EPB41L4B: variants seen among roughly 807,000 people sequenced by gnomAD.
The protein encoded by EPB41L4B is erythrocyte membrane protein band 4.1 like 4B.
In EPB41L4B, 30 loss-of-function variants were observed where a neutral mutation model predicts 112.5. That is an observed-to-expected ratio of 0.27 (90% CI 0.20 to 0.36). The LOEUF (loss-of-function observed/expected upper bound fraction) is 0.36. EPB41L4B is among the 10% of genes least tolerant of loss of function. The probability of loss-of-function intolerance (pLI) is 1.00; values close to 1 mark genes in which losing one functional copy is unlikely to be tolerated. For missense variants in EPB41L4B, 1,024 were observed against 1,133.3 expected (o/e 0.90, Z 1.38); for synonymous variants, 408 against 439.7 (o/e 0.93, Z 0.90).
intron 4 of EPB41L4B, among the ~76,000 whole-genome samples, chr9:109,266,989 AAAAAG>A (rs1835429839): frequency 6.7e-6 from 1 of 149,814 alleles, no homozygotes. Flanking sequence ...AAAAAAAAAA[AAAAAG>A]AAATTCAGGG....
intron 15 of EPB41L4B, among the ~76,000 whole-genome samples, chr9:109,231,924 G>GAA (rs78131476): frequency 2.7e-4 from 40 of 149,270 alleles, no homozygotes; most frequent in African/African-American, 5.9e-4. Flanking sequence ...CTTGCCTAAA[G>GAA]AAAAAAAAAT....
intron 25 of EPB41L4B, among the ~76,000 whole-genome samples, chr9:109,175,946 T>C (rs554387359): frequency 6.6e-6 from 1 of 152,204 alleles, no homozygotes; most frequent in South Asian, 2.1e-4. Flanking sequence ...ATAGCCCTTT[T>C]CAGGGCTCTG....
At chr9:109,260,805 G>T (rs1835173728) in intron 6 of EPB41L4B, among the ~76,000 whole-genome samples, 2 of 152,210 alleles carry the variant, frequency 1.3e-5, no homozygotes, top group Non-Finnish European at 2.9e-5. Context: ...GACCTTATTT[G>T]TGTCTGTCTC....
chr9:109,227,069 T>A (rs1833809013), intron 15 of EPB41L4B, among the ~76,000 whole-genome samples: 1 of 151,892 alleles, frequency 6.6e-6, no homozygotes, highest in South Asian at 2.1e-4. Flanking sequence ...CAGATCCTGG[T>A]CTTAAGCGGT....
intron 14 of EPB41L4B, among the ~76,000 whole-genome samples, chr9:109,244,597 C>CCCCGCTAA: frequency 6.6e-6 from 1 of 151,824 alleles, no homozygotes; most frequent in Non-Finnish European, 1.5e-5. Flanking sequence ...TGCCACCACA[C>CCCCGCTAA]CCCGCTAATT....
chr9:109,250,634 C>T (rs1009084548), intron 13 of EPB41L4B, among the ~76,000 whole-genome samples: 3 of 152,184 alleles, frequency 2.0e-5, no homozygotes, highest in Non-Finnish European at 4.4e-5. Flanking sequence ...GCAGACTCAC[C>T]TGGGCAGCTT....
In EPB41L4B at chr9:109,197,135, G is replaced by A. The variant is rs73519218; in HGVS notation, c.2046-2738C>T. On this transcript the variant is annotated intron_variant, in intron 20 of 25. Coordinates refer to ENST00000374566, the MANE Select transcript of EPB41L4B (RefSeq NM_019114.5). ...TCAATATCAAAGAGTTAAAGAGATG[G>A]GCAAAGGCCAGGTGTGGTGGCTCAT... 2.2e-3 allele frequency among the ~76,000 whole-genome samples: 338 copies of A among 152,242 alleles called. 2 individuals are homozygous for A. The highest frequency in any genetic ancestry group is 7.8e-3 in the African/African-American group (323 of 41,564).
In EPB41L4B at chr9:109,320,449, T is replaced by C. The variant is rs1837829480; in HGVS notation, c.-3A>G. Reference sequence around the variant, plus strand: ...GTCCGGCGCAGGAACCGCAGCATCCTGGCTGGGGGCGCCCCCTGCCTCCGC... The same window carrying C: ...GTCCGGCGCAGGAACCGCAGCATCCCGGCTGGGGGCGCCCCCTGCCTCCGC... On this transcript the variant is annotated 5_prime_UTR_variant, in exon 1 of 26. Transcript: ENST00000374566. 3 of 987,256 alleles carry C rather than the reference T, an allele frequency of 3.0e-6. No homozygotes were observed. The highest frequency in any genetic ancestry group is 1.1e-4 in the East Asian group (1 of 8,850). The allele number at this position is 987,256 out of a possible 1,614,324, so 61.2% of individuals were successfully genotyped here. A position where few individuals can be genotyped will look rare whatever the true frequency, so the allele number is the denominator to read the frequency against.
At position 109,215,802 on chromosome 9, in the gene EPB41L4B, A is replaced by G. The variant is rs139766964; in HGVS notation, c.1633+1120T>C. On this transcript the variant is annotated intron_variant, in intron 16 of 25. Coordinates refer to ENST00000374566, the MANE Select transcript of EPB41L4B (RefSeq NM_019114.5). ...AGCCCATATTTTTATTAGATTTAAAAGATATAAACTCATTCTATCATATTG... is the reference window on the plus strand; with the variant it reads ...AGCCCATATTTTTATTAGATTTAAAGGATATAAACTCATTCTATCATATTG... Among the ~76,000 whole-genome samples the G allele has an allele frequency of 8.5e-4, 130 of 152,336 alleles. 1 individual carries two copies. In the East Asian group the frequency reaches 0.015, roughly 18 times the overall value.
intron 2 of EPB41L4B, among the ~76,000 whole-genome samples, chr9:109,278,467 TA>T (rs1835917466): frequency 6.6e-6 from 1 of 152,190 alleles, no homozygotes; most frequent in African/African-American, 2.4e-5. Context: ...CCAGCAGACC[TA>T]ATTCCCAGGT....
At chr9:109,177,357 C>G (rs924502500) in intron 24 of EPB41L4B, among the ~76,000 whole-genome samples, 1 of 152,134 alleles carries the variant, frequency 6.6e-6, no homozygotes, top group African/African-American at 2.4e-5. Flanking sequence ...TCCAACAATA[C>G]GTGTTTCAAC....
intron 1 of EPB41L4B, among the ~76,000 whole-genome samples, chr9:109,307,535 C>T (rs1837258232): frequency 6.6e-6 from 1 of 152,148 alleles, no homozygotes; most frequent in Non-Finnish European, 1.5e-5. Flanking sequence ...ATTCTTGCTA[C>T]CATCAAAGCA....
chr9:109,259,963 G>A (rs570651352), intron 6 of EPB41L4B, among the ~76,000 whole-genome samples: 2 of 152,290 alleles, frequency 1.3e-5, no homozygotes, highest in Admixed American at 6.5e-5. Context: ...AGCTGTGGGT[G>A]AGGTGGAAAG....
intron 2 of EPB41L4B, among the ~76,000 whole-genome samples, chr9:109,274,692 CG>C (rs1333530003): frequency 6.6e-6 from 1 of 152,170 alleles, no homozygotes; most frequent in Non-Finnish European, 1.5e-5. Flanking sequence ...ATATTCAAGC[CG>C]TATAGCCAAG....
chr9:109,203,960 G>A lies in EPB41L4B; in HGVS notation c.1879-230C>T, dbSNP rs117595112. Among the ~76,000 whole-genome samples, 208 of 152,254 alleles carry A rather than the reference G, an allele frequency of 1.4e-3. 3 individuals carry two copies. The East Asian group carries it at 0.035, about 25-fold the overall frequency. ...AATCATTCAGATGCAATCAATTCTT[G>A]CATTCATGCTTTTATTGAACACCTG... is the stretch of plus-strand genomic sequence containing the variant. On this transcript the variant is annotated intron_variant, in intron 18 of 25. Coordinates refer to ENST00000374566, the MANE Select transcript of EPB41L4B (RefSeq NM_019114.5).
At chr9:109,268,854 G>A (rs1835504796) in intron 2 of EPB41L4B, among the ~76,000 whole-genome samples, 1 of 134,692 alleles carries the variant, frequency 7.4e-6, no homozygotes, top group Admixed American at 8.8e-5. Flanking sequence ...TCGAGATCGC[G>A]CCACTGCACT....
chr9:109,308,439 C>T (rs1837298970), intron 1 of EPB41L4B, among the ~76,000 whole-genome samples: 1 of 152,116 alleles, frequency 6.6e-6, no homozygotes. Context: ...CTCACTTCTC[C>T]AACAGATAAA....
intron 4 of EPB41L4B, among the ~76,000 whole-genome samples, chr9:109,265,778 T>C (rs999035721): frequency 2.6e-5 from 4 of 152,238 alleles, no homozygotes; most frequent in Admixed American, 1.3e-4. Context: ...AAACCAAAAC[T>C]GCCTGTGCTC....
chr9:109,196,742 C>A (rs1193231285), intron 20 of EPB41L4B, among the ~76,000 whole-genome samples: 1 of 149,312 alleles, frequency 6.7e-6, no homozygotes, highest in African/African-American at 2.5e-5. Flanking sequence ...AAAAAAAGAC[C>A]TTTTCGCCTG....
Sources: allele counts gnomAD v4.1 joint callset (sites outside exome capture counted in the v4.1 genomes callset), GRCh38; gene constraint gnomAD v4.1.1; transcripts MANE v1.5; gene names NCBI Gene and HGNC (gene_info 2026-07-23, HGNC 2026-07-21).